The following ASTN2 variants were observed in gnomAD, a reference collection of about 807,000 sequenced individuals.
The protein encoded by ASTN2 is astrotactin 2.
Under a neutral mutation model 139.8 loss-of-function variants are expected in ASTN2, and 54 were observed. The ratio of observed to expected loss-of-function variants is 0.39; its 90% CI spans 0.31 to 0.48. ASTN2 has a LOEUF of 0.48. Among genes scored for constraint, ASTN2 ranks in the 20% least tolerant of loss-of-function variants. The pLI, the probability that ASTN2 is intolerant of heterozygous loss-of-function variation, is 0.95. For synonymous variants in ASTN2, 756 were observed against 719.5 expected (o/e 1.05, Z -0.81); for missense variants, 1,565 against 1,725.1 (o/e 0.91, Z 1.64).
At chr9:116,955,097 C>T (rs116661922) in intron 10 of ASTN2, among the ~76,000 whole-genome samples, 2,816 of 152,312 alleles carry the variant, frequency 0.018, 105 homozygotes, top group African/African-American at 0.065. Flanking sequence ...AGATAGAGCT[C>T]TATTGAAATA....
At chr9:116,696,317 C>T (rs1415248860) in intron 16 of ASTN2, among the ~76,000 whole-genome samples, 1 of 152,138 alleles carries the variant, frequency 6.6e-6, no homozygotes, top group Non-Finnish European at 1.5e-5. Flanking sequence ...TTTTTTGGTG[C>T]AGAGCCAAAT....
chr9:117,282,187 T>A (rs1403284490), intron 2 of ASTN2, among the ~76,000 whole-genome samples: 3 of 152,224 alleles, frequency 2.0e-5, no homozygotes, highest in Non-Finnish European at 4.4e-5. Context: ...CTTCTTTATT[T>A]CTCTCCGTCT....
At chr9:117,063,931 A>G (rs921219696) in intron 5 of ASTN2, among the ~76,000 whole-genome samples, 1 of 151,956 alleles carries the variant, frequency 6.6e-6, no homozygotes, top group East Asian at 1.9e-4. Context: ...AAGTGACCCT[A>G]ACAAGCTCTC....
At chr9:117,244,520 AACAGTGGGGAAGGAAGGAAGGAAGGTAGG>A (rs1833308625) in intron 2 of ASTN2, among the ~76,000 whole-genome samples, 2 of 146,264 alleles carry the variant, frequency 1.4e-5, no homozygotes, top group South Asian at 4.5e-4. Context: ...CTTATCTTAG[AACAGTGGGGAAGGAAGGAAGGAAGGTAGG>A]ACAGTGGGGA....
intron 16 of ASTN2, among the ~76,000 whole-genome samples, chr9:116,666,398 C>G (rs939152677): frequency 2.6e-5 from 4 of 152,052 alleles, no homozygotes; most frequent in African/African-American, 9.7e-5. Flanking sequence ...ATTATGAATG[C>G]CATTAACAAA....
At chr9:117,089,728 C>T (rs940638164) in intron 5 of ASTN2, among the ~76,000 whole-genome samples, 2 of 143,146 alleles carry the variant, frequency 1.4e-5, no homozygotes, top group African/African-American at 5.1e-5. Context: ...TCTTCTTATG[C>T]CTTTGCGTCA....
At chr9:117,043,907 CA>C (rs10713427) in intron 5 of ASTN2, among the ~76,000 whole-genome samples, 45 of 119,320 alleles carry the variant, frequency 3.8e-4, no homozygotes, top group Middle Eastern at 4.4e-3. Context: ...GACTCTGTCT[CA>C]AAAAAAAAAA....
At chr9:117,147,181 T>A (rs1308930607) in intron 3 of ASTN2, among the ~76,000 whole-genome samples, 1 of 152,136 alleles carries the variant, frequency 6.6e-6, no homozygotes, top group Non-Finnish European at 1.5e-5. Flanking sequence ...ACACATTATG[T>A]CTACACTGAT....
In ASTN2 at chr9:116,512,242, C is replaced by T. The variant is rs553849583; in HGVS notation, c.3356-24742G>A. On this transcript the variant is annotated intron_variant, in intron 19 of 22. Transcript: ENST00000313400. ...ATTTCAAAGAACATCTTTATTTCTG[C>T]CTTCATTTCGTTATGTACCCAGTAG... Among the ~76,000 whole-genome samples, 152 of 152,232 alleles carry T rather than the reference C, an allele frequency of 1.0e-3. 1 individual carries two copies. Among genetic ancestry groups the T allele is most frequent in the African/African-American group, 2.4e-5 (1 of 41,544 alleles).
chr9:117,222,297 T>C (rs1178406400), intron 2 of ASTN2, among the ~76,000 whole-genome samples: 2 of 152,174 alleles, frequency 1.3e-5, no homozygotes, highest in East Asian at 3.9e-4. Context: ...CTTCTTCAAA[T>C]GTGTGCTTTG....
In ASTN2 at chr9:117,016,616, CTATCTATCTATATATA is replaced by C. The variant is rs1361198323; in HGVS notation, c.1424-8373_1424-8358del. On this transcript the variant is annotated intron_variant, in intron 6 of 22. Transcript: ENST00000313400. The stretch of plus-strand genomic sequence containing the variant: ...TTTATATATATATCTATATCTATAT[CTATCTATCTATATATA>C]TATATATATATATATATATATATAA... Among the ~76,000 whole-genome samples the C allele has an allele frequency of 7.7e-3, 327 of 42,468 alleles. 45 individuals carry two copies. The highest frequency in any genetic ancestry group is 0.051 in the African/African-American group (265 of 5,146). 27.9% of individuals were successfully genotyped at this position (42,468 alleles called of 152,430 possible). A position where few individuals can be genotyped will look rare whatever the true frequency, so the allele number is the denominator to read the frequency against.
chr9:117,317,659 C>T (rs961350155), intron 1 of ASTN2, among the ~76,000 whole-genome samples: 1 of 152,172 alleles, frequency 6.6e-6, no homozygotes, highest in Admixed American at 6.5e-5. Context: ...TTTAAAGATG[C>T]TTTAAGTGCC....
intron 19 of ASTN2, among the ~76,000 whole-genome samples, chr9:116,565,419 A>ATTTATT (rs1370150821): frequency 3.1e-4 from 27 of 87,050 alleles, no homozygotes; most frequent in African/African-American, 6.7e-4. Context: ...ATATATATAT[A>ATTTATT]TATATATATA....
At chr9:117,173,865 G>T (rs965865134) in intron 3 of ASTN2, among the ~76,000 whole-genome samples, 2 of 151,574 alleles carry the variant, frequency 1.3e-5, no homozygotes, top group African/African-American at 4.8e-5. Context: ...TGATATAGAA[G>T]AGAAATAATA....
chr9:117,078,149 A>G (rs1410967773), intron 5 of ASTN2, among the ~76,000 whole-genome samples: 1 of 152,206 alleles, frequency 6.6e-6, no homozygotes, highest in Non-Finnish European at 1.5e-5. Context: ...GTCTTCTTGT[A>G]TCCAGCTAAA....
chr9:117,109,449 T>C (rs2132783983), intron 4 of ASTN2, among the ~76,000 whole-genome samples: 1 of 152,278 alleles, frequency 6.6e-6, no homozygotes. Flanking sequence ...CCCAACTCTC[T>C]GGTTCTGAAA....
chr9:117,397,429 A>T (rs1301792105), intron 1 of ASTN2, among the ~76,000 whole-genome samples: 2 of 152,226 alleles, frequency 1.3e-5, no homozygotes, highest in Admixed American at 1.3e-4. Flanking sequence ...AACTATAAAA[A>T]TTTAGAAAGG....
intron 2 of ASTN2, among the ~76,000 whole-genome samples, chr9:117,280,912 C>T (rs530697976): frequency 6.6e-6 from 1 of 152,222 alleles, no homozygotes; most frequent in African/African-American, 2.4e-5. Flanking sequence ...TGGATCTTGT[C>T]AGTAGTAATT....
chr9:117,313,457 G>C (rs559563556), intron 1 of ASTN2, among the ~76,000 whole-genome samples: 3 of 152,268 alleles, frequency 2.0e-5, no homozygotes, highest in South Asian at 4.1e-4. Flanking sequence ...CCAGAGACAG[G>C]AACATGACAG....
Sources: allele counts gnomAD v4.1 joint callset (sites outside exome capture counted in the v4.1 genomes callset), GRCh38; gene constraint gnomAD v4.1.1; transcripts MANE v1.5; gene names NCBI Gene and HGNC (gene_info 2026-07-23, HGNC 2026-07-21).